LINGO1: variants seen among roughly 807,000 people sequenced by gnomAD.
LINGO1 encodes leucine-rich repeat and immunoglobulin-like domain-containing nogo receptor-interacting protein 1.
LINGO1 carries 11 observed loss-of-function variants against 37.3 expected under a neutral mutation model. The observed-to-expected ratio is 0.29, with a 90% CI of 0.19 to 0.49. The LOEUF is 0.49. Among genes scored for constraint, LINGO1 ranks in the 20% least tolerant of loss-of-function variants. LINGO1 has a pLI of 0.99. For synonymous variants in LINGO1, 387 were observed against 403.0 expected (o/e 0.96, Z 0.48); for missense variants, 585 against 878.2 (o/e 0.67, Z 4.22).
intron 1 of LINGO1, among the ~76,000 whole-genome samples, chr15:77,786,089 A>G (rs1279773239): frequency 6.6e-6 from 1 of 152,126 alleles, no homozygotes. Flanking sequence ...ACTTGCAAGA[A>G]GCAAGCAGGG....
At chr15:77,630,404 A>C (rs933972919) in intron 1 of LINGO1, among the ~76,000 whole-genome samples, 10 of 152,176 alleles carry the variant, frequency 6.6e-5, no homozygotes, top group African/African-American at 1.2e-4. Flanking sequence ...CATGCAGAAC[A>C]ACCACCCACC....
chr15:77,669,212 G>C (rs367949201), intron 3 of LINGO1, among the ~76,000 whole-genome samples: 88 of 152,374 alleles, frequency 5.8e-4, no homozygotes, highest in African/African-American at 1.7e-3. Context: ...AGGGGCCAGA[G>C]AGAGGACAAC....
chr15:77,669,872 G>A (rs1238038464), intron 3 of LINGO1, among the ~76,000 whole-genome samples: 2 of 152,140 alleles, frequency 1.3e-5, no homozygotes, highest in African/African-American at 4.8e-5. Flanking sequence ...AATCGACCCA[G>A]GAAAATTGAA....
chr15:77,659,080 G>A (rs2074930429), intron 3 of LINGO1, among the ~76,000 whole-genome samples: 1 of 152,204 alleles, frequency 6.6e-6, no homozygotes, highest in African/African-American at 2.4e-5. Flanking sequence ...GCCTGGAGAA[G>A]CTGGCTGGGA....
intron 1 of LINGO1, among the ~76,000 whole-genome samples, chr15:77,736,245 T>C (rs1487784407): frequency 6.6e-6 from 1 of 152,112 alleles, no homozygotes; most frequent in African/African-American, 2.4e-5. Context: ...CATAGGGGTA[T>C]ATACCAGGGA....
chr15:77,744,383 A>G (rs1165460602), intron 1 of LINGO1, among the ~76,000 whole-genome samples: 1 of 152,040 alleles, frequency 6.6e-6, no homozygotes, highest in Admixed American at 6.5e-5. Context: ...AAAATACAAA[A>G]AACTAGCTGG....
At chr15:77,778,153 A>G (rs1313272828) in intron 1 of LINGO1, among the ~76,000 whole-genome samples, 1 of 152,138 alleles carries the variant, frequency 6.6e-6, no homozygotes, top group Admixed American at 6.5e-5. Flanking sequence ...GCTTTTGGTG[A>G]CCACGGTCAT....
rs146312840 is a variant in LINGO1 at position 77,650,888 on chromosome 15, C to G, written c.-13+26201G>C. On this transcript the variant is annotated intron_variant, in intron 3 of 3. Transcript: ENST00000559893. ...AGAGTCTGGGTGCTGGAGGACAGGG[C>G]ACTGTGTGGAGGCTTGGGTTTGGTG... 4.1e-3 allele frequency among the ~76,000 whole-genome samples: 624 copies of G among 152,074 alleles called. 2 individuals are homozygous for G. Among genetic ancestry groups the G allele is most frequent in the African/African-American group, 0.014 (584 of 41,458 alleles).
In LINGO1 at chr15:77,719,742, TCATTCACACACTCA is replaced by T. The variant is rs760456929; in HGVS notation, c.-195+15236_-195+15249del. On this transcript the variant is annotated intron_variant, in intron 2 of 3. Transcript: ENST00000561686. ...CACATTCACGCACATATATACAATC[TCATTCACACACTCA>T]CATTCACACACTCACACATACACAA... Among the ~76,000 whole-genome samples the T allele has an allele frequency of 9.4e-3, 1,403 of 149,450 alleles. 76 individuals are homozygous for T. The highest frequency in any genetic ancestry group is 0.015 in the Non-Finnish European group (1,004 of 67,212).
At chr15:77,622,530 A>G (rs1053562472) in intron 1 of LINGO1, among the ~76,000 whole-genome samples, 1 of 152,194 alleles carries the variant, frequency 6.6e-6, no homozygotes, top group Non-Finnish European at 1.5e-5. Context: ...CGGATCACCA[A>G]GGAAAAGAAG....
chr15:77,739,277 C>T (rs1351051345), intron 1 of LINGO1, among the ~76,000 whole-genome samples: 1 of 152,238 alleles, frequency 6.6e-6, no homozygotes, highest in Non-Finnish European at 1.5e-5. Context: ...CCCTTCCCCC[C>T]TTGGAGCTGC....
chr15:77,774,555 C>A (rs2076618187), intron 1 of LINGO1, among the ~76,000 whole-genome samples: 1 of 152,154 alleles, frequency 6.6e-6, no homozygotes, highest in African/African-American at 2.4e-5. Flanking sequence ...AGTGCACACA[C>A]ACAATCCCGG....
At position 77,693,766 on chromosome 15, in the gene LINGO1, C is replaced by A. The variant is rs370567905; in HGVS notation, c.-281+2625G>T. Among the ~76,000 whole-genome samples the A allele has an allele frequency of 6.6e-5, 10 of 152,174 alleles. No homozygotes were observed. The East Asian group carries it at 1.2e-3, about 18-fold the overall frequency. On this transcript the variant is annotated intron_variant, in intron 1 of 3. Coordinates refer to the LINGO1 transcript ENST00000559893. ...ATTCGGGCAGTGTGTTGTGGCAGAA[C>A]CAGCTGGCTGATCAGCTGGATGTGA... is the stretch of plus-strand genomic sequence containing the variant.
At chr15:77,629,355 G>A (rs947714954) in intron 1 of LINGO1, among the ~76,000 whole-genome samples, 15 of 152,124 alleles carry the variant, frequency 9.9e-5, no homozygotes, top group African/African-American at 3.4e-4. Context: ...CATCAAGAAT[G>A]CCTTAAATGT....
At chr15:77,674,870 T>C (rs1475508931) in intron 3 of LINGO1, among the ~76,000 whole-genome samples, 5 of 151,930 alleles carry the variant, frequency 3.3e-5, no homozygotes, top group Non-Finnish European at 5.9e-5. Context: ...TTGGAGCAGG[T>C]ATATTTCGTG....
intron 2 of LINGO1, among the ~76,000 whole-genome samples, chr15:77,682,281 T>TGTGTGTGTGTGTGTGC (rs1304258544): frequency 6.8e-5 from 10 of 147,460 alleles, no homozygotes; most frequent in African/African-American, 2.5e-4. Flanking sequence ...GATTAAAGTG[T>TGTGTGTGTGTGTGTGC]GTGTGTGTGT....
At chr15:77,696,976 C>T (rs2075704198), upstream of LINGO1, among the ~76,000 whole-genome samples, 1 of 152,254 alleles carries the variant, frequency 6.6e-6, no homozygotes, top group Non-Finnish European at 1.5e-5. Flanking sequence ...GGACAGGGGT[C>T]TGCGAGAGCA....
chr15:77,651,422 C>G (rs2074755830), intron 3 of LINGO1: 1 of 152,212 alleles, frequency 6.6e-6, no homozygotes, highest in Admixed American at 6.5e-5. Context: ...GCTGGAGAAT[C>G]TTAACACCAG....
intron 1 of LINGO1, among the ~76,000 whole-genome samples, chr15:77,804,127 T>C (rs1409219839): frequency 6.6e-6 from 1 of 152,086 alleles, no homozygotes; most frequent in East Asian, 1.9e-4. Flanking sequence ...CAGAGGTCTG[T>C]GAGCCCCAAA....
Sources: allele counts gnomAD v4.1 joint callset (sites outside exome capture counted in the v4.1 genomes callset), GRCh38; gene constraint gnomAD v4.1.1; transcripts MANE v1.5; gene names NCBI Gene and HGNC (gene_info 2026-07-23, HGNC 2026-07-21).